PLCB4: variants seen among roughly 807,000 people sequenced by gnomAD.
PLCB4 encodes the protein 1-phosphatidylinositol 4,5-bisphosphate phosphodiesterase beta-4.
A neutral mutation model predicts 178.8 loss-of-function variants in PLCB4; 77 were observed. The observed-to-expected ratio is 0.43, with a 90% CI of 0.36 to 0.52. The LOEUF (loss-of-function observed/expected upper bound fraction) is 0.52. Ranked by LOEUF, PLCB4 falls within the 20% of genes least tolerant of loss-of-function variation. The probability of loss-of-function intolerance (pLI) is 0.00; values close to 1 mark genes in which losing one functional copy is unlikely to be tolerated. For missense variants in PLCB4, 1,024 were observed against 1,453.4 expected, an observed-to-expected ratio of 0.70 and a Z score of 4.80; for synonymous variants, 496 against 490.8, an observed-to-expected ratio of 1.01 and a Z score of -0.14.
chr20:9,277,709 G>C (rs1214335452), intron 3 of PLCB4, among the ~76,000 whole-genome samples: 1 of 151,946 alleles, frequency 6.6e-6, no homozygotes, highest in Non-Finnish European at 1.5e-5. Context: ...GTCACTGGAA[G>C]GGAGGAGAGA....
At chr20:9,368,389 A>G (rs1309423350) in intron 9 of PLCB4, among the ~76,000 whole-genome samples, 2 of 152,164 alleles carry the variant, frequency 1.3e-5, no homozygotes, top group East Asian at 3.9e-4. Flanking sequence ...GGAAATAGCA[A>G]TTCTCTTTTG....
intron 7 of PLCB4, among the ~76,000 whole-genome samples, chr20:9,343,741 T>A (rs2033494182): frequency 2.0e-5 from 3 of 152,240 alleles, no homozygotes; most frequent in Admixed American, 6.5e-5. Context: ...TCAACTCTTC[T>A]CACCTGCTTC....
chr20:9,181,427 T>C (rs750728598), intron 2 of PLCB4, among the ~76,000 whole-genome samples: 3 of 152,164 alleles, frequency 2.0e-5, no homozygotes, highest in Non-Finnish European at 2.9e-5. Context: ...CTATACCTTC[T>C]GAGTCTCTTA....
rs377431474 is a variant in PLCB4, at chr20:9,204,654, C to T, written c.-78-12736C>T. On this transcript the variant is annotated intron_variant, in intron 2 of 39. Transcript: ENST00000378473. Reference sequence around the variant, plus strand: ...CTGGGATTACAGGCATGAGCCACCGCGCCCGGCCGCTCTAAGACTTTCATT... The same window carrying T: ...CTGGGATTACAGGCATGAGCCACCGTGCCCGGCCGCTCTAAGACTTTCATT... Among the ~76,000 whole-genome samples, 208 of 152,106 alleles carry T rather than the reference C, an allele frequency of 1.4e-3. 8 individuals carry two copies. The South Asian group carries it at 0.038, about 28-fold the overall frequency.
chr20:9,281,630 A>T lies in PLCB4; in HGVS notation c.-15-26170A>T, dbSNP rs189847782. Among the ~76,000 whole-genome samples, 1,130 of 152,082 alleles carry T rather than the reference A, an allele frequency of 7.4e-3. 14 individuals carry two copies. The highest frequency in any genetic ancestry group is 0.026 in the African/African-American group (1,074 of 41,528). ...TTTTATTACCTAAAACTGCTAAAAC[A>T]TGTAGGTTTTATATTTAAAATGATA... On this transcript the variant is annotated intron_variant, in intron 3 of 39. Transcript: ENST00000378473.
Position 9,472,799 on chromosome 20 carries a change from G to A in PLCB4, c.3360G>A (p.Arg1120=). 6.3e-7 allele frequency: 1 copy of A among 1,594,976 alleles called. No individual in the cohort carries two copies. Among genetic ancestry groups the A allele is most frequent in the East Asian group, 2.3e-5 (1 of 44,240 alleles). ...KNKAERERRV[R]ELNSSNTKKF... ...TGCCCATTGCTTTTAGGCGAGTCAG[G>A]GAGTTAAACAGCAGCAACACTAAAA... Residue 1120 remains arginine, a synonymous_variant, in exon 37 of 40, where the codon AGG becomes AGA. Transcript: ENST00000378473.
intron 1 of PLCB4, among the ~76,000 whole-genome samples, chr20:9,091,972 A>T (rs897025789): frequency 6.6e-6 from 1 of 152,072 alleles, no homozygotes; most frequent in African/African-American, 2.4e-5. Context: ...TTGTATCAAG[A>T]GAGATCTACA....
chr20:9,290,389 T>C (rs2094570265), intron 3 of PLCB4, among the ~76,000 whole-genome samples: 1 of 152,160 alleles, frequency 6.6e-6, no homozygotes, highest in Non-Finnish European at 1.5e-5. Flanking sequence ...TGAAACACCA[T>C]GTGAACTCTT....
chr20:9,435,279 A>T (rs544683247), intron 28 of PLCB4, among the ~76,000 whole-genome samples: 9 of 152,336 alleles, frequency 5.9e-5, no homozygotes, highest in Middle Eastern at 6.8e-3. Context: ...CACACACTTC[A>T]CTCAGTTTGT....
chr20:9,326,017 C>T (rs745837472), intron 4 of PLCB4, among the ~76,000 whole-genome samples: 8 of 151,778 alleles, frequency 5.3e-5, no homozygotes, highest in African/African-American at 9.7e-5. Flanking sequence ...TGTCTTCACA[C>T]GGTGGGTGAA....
chr20:9,181,573 T>A (rs1440168629), intron 2 of PLCB4, among the ~76,000 whole-genome samples: 1 of 152,094 alleles, frequency 6.6e-6, no homozygotes, highest in African/African-American at 2.4e-5. Flanking sequence ...TCTTTCTGGT[T>A]TGTAGATGGT....
At chr20:9,467,268 G>A (rs915002197) in intron 35 of PLCB4, among the ~76,000 whole-genome samples, 3 of 152,062 alleles carry the variant, frequency 2.0e-5, no homozygotes, top group African/African-American at 7.2e-5. Context: ...GTCACACACC[G>A]GGCCTTTTGG....
intron 1 of PLCB4, among the ~76,000 whole-genome samples, chr20:9,092,106 C>A (rs1405467222): frequency 6.6e-6 from 1 of 152,034 alleles, no homozygotes; most frequent in African/African-American, 2.4e-5. Flanking sequence ...TTCTTGTTTT[C>A]TGTTTTTTAG....
intron 25 of PLCB4, among the ~76,000 whole-genome samples, chr20:9,413,674 A>AG (rs1376556136): frequency 6.6e-6 from 1 of 151,802 alleles, no homozygotes; most frequent in Non-Finnish European, 1.5e-5. Context: ...AAAAAAAAAA[A>AG]AAAGTCCTGA....
chr20:9,360,716 T>G (rs1015542795), intron 7 of PLCB4, among the ~76,000 whole-genome samples: 6 of 152,232 alleles, frequency 3.9e-5, no homozygotes, highest in Admixed American at 1.3e-4. Context: ...GTTCTGCTGA[T>G]GAAAAATAAT....
At chr20:9,452,006 C>T (rs554615918) in intron 32 of PLCB4, among the ~76,000 whole-genome samples, 1 of 149,656 alleles carries the variant, frequency 6.7e-6, no homozygotes, top group Non-Finnish European at 1.5e-5. Flanking sequence ...ACAAATTAAG[C>T]CCAGATCCAC....
intron 7 of PLCB4, among the ~76,000 whole-genome samples, chr20:9,354,630 G>A (rs536248953): frequency 1.3e-5 from 2 of 152,340 alleles, no homozygotes; most frequent in South Asian, 4.1e-4. Context: ...CTGGCATAAT[G>A]CAGACTGGAA....
intron 3 of PLCB4, among the ~76,000 whole-genome samples, chr20:9,295,905 T>C (rs887767933): frequency 1.3e-5 from 2 of 152,168 alleles, no homozygotes; most frequent in African/African-American, 4.8e-5. Flanking sequence ...ATAAAAACTG[T>C]AGAAGAAAAC....
chr20:9,220,818 C>T (rs1048153975), intron 3 of PLCB4, among the ~76,000 whole-genome samples: 1 of 152,014 alleles, frequency 6.6e-6, no homozygotes, highest in African/African-American at 2.4e-5. Context: ...ATATTTTTTT[C>T]TTGATCTAAG....
Sources: allele counts gnomAD v4.1 joint callset (sites outside exome capture counted in the v4.1 genomes callset), GRCh38; gene constraint gnomAD v4.1.1; transcripts MANE v1.5; gene names NCBI Gene and HGNC (gene_info 2026-07-23, HGNC 2026-07-21).